Variants in RWDD4 observed in about 807,000 individuals in gnomAD.
RWDD4 encodes the protein RWD domain-containing protein 4.
In RWDD4, 16 loss-of-function variants were observed where a neutral mutation model predicts 30.0. The observed-to-expected ratio is 0.53, with a 90% CI of 0.36 to 0.81. RWDD4 has a LOEUF of 0.81. RWDD4 is among the 30% of genes least tolerant of loss of function. RWDD4 has a pLI of 0.00. For synonymous variants in RWDD4, 45 were observed against 72.1 expected (o/e 0.62, Z 1.90); for missense variants, 170 against 223.9 (o/e 0.76, Z 1.54).
chr4:183,647,194 T>G (rs1398311899), intron 5 of RWDD4, among the ~76,000 whole-genome samples: 1 of 152,230 alleles, frequency 6.6e-6, no homozygotes, highest in Non-Finnish European at 1.5e-5. Flanking sequence ...ACAAATATTA[T>G]CTAAAAATTC....
chr4:183,641,472 T>TA lies in RWDD4; in HGVS notation c.535-5dup, dbSNP rs778371993. On this transcript the variant is annotated splice_region_variant and splice_polypyrimidine_tract_variant and intron_variant, in intron 7 of 7. Transcript: ENST00000326397. The stretch of plus-strand genomic sequence containing the variant: ...CCTTAGAGCCAGTTTTGCTTAACTA[T>TA]AAAAAAAAGAGAGAAAATAGTCAAC... The TA allele has an allele frequency of 1.0e-4, 166 of 1,600,516 alleles. 1 individual carries two copies. Among genetic ancestry groups the TA allele is most frequent in the Admixed American group, 2.9e-4 (17 of 58,490 alleles).
At chr4:183,646,927 A>T (rs1317590525) in intron 5 of RWDD4, among the ~76,000 whole-genome samples, 1 of 152,230 alleles carries the variant, frequency 6.6e-6, no homozygotes, top group Non-Finnish European at 1.5e-5. Flanking sequence ...TTAATAAATT[A>T]GCATTTCGCA....
chr4:183,654,561 T>C (rs903954541), intron 2 of RWDD4, among the ~76,000 whole-genome samples: 1 of 152,106 alleles, frequency 6.6e-6, no homozygotes, highest in South Asian at 2.1e-4. Flanking sequence ...TTATAGTACA[T>C]ATAAATGTCC....
At chr4:183,652,489 C>T (rs556995124) in intron 2 of RWDD4, among the ~76,000 whole-genome samples, 1 of 143,426 alleles carries the variant, frequency 7.0e-6, no homozygotes, top group South Asian at 2.3e-4. Flanking sequence ...GAGCAAGAGT[C>T]TGTGGCAAAA....
At chr4:183,643,294 G>A (rs1288048322) in intron 7 of RWDD4, among the ~76,000 whole-genome samples, 1 of 147,326 alleles carries the variant, frequency 6.8e-6, no homozygotes, top group Non-Finnish European at 1.5e-5. Flanking sequence ...AGGCGTGGTG[G>A]CGCATGCCCA....
chr4:183,652,988 T>G (rs539242068), intron 2 of RWDD4, among the ~76,000 whole-genome samples: 1 of 152,080 alleles, frequency 6.6e-6, no homozygotes. Context: ...CCTCCCAAAG[T>G]GCTGGGATTA....
chr4:183,650,889 C>T, intron 4 of RWDD4, 95 bp downstream of exon 4: 1 of 1,267,174 alleles, frequency 7.9e-7, no homozygotes, highest in Non-Finnish European at 1.1e-6. Context: ...AAGTCTTCTT[C>T]CGATTTTGAA....
intron 2 of RWDD4, among the ~76,000 whole-genome samples, chr4:183,652,687 G>A (rs1330850780): frequency 2.0e-5 from 3 of 151,878 alleles, no homozygotes; most frequent in African/African-American, 7.3e-5. Flanking sequence ...GCATGCGCCT[G>A]TAGTCCCAGC....
rs149125033 is a variant in RWDD4 at position 183,641,887 on chromosome 4, C to T, written c.535-419G>A. On this transcript the variant is annotated intron_variant, in intron 7 of 7. Coordinates refer to ENST00000326397, the MANE Select transcript of RWDD4 (RefSeq NM_152682.4). ...AAAAAAATACGTAACCTAAGATTTA[C>T]CATCTTAACCAGACAATAAATTCTT... Among the ~76,000 whole-genome samples the T allele has an allele frequency of 3.1e-3, 466 of 152,146 alleles. 7 individuals carry two copies. The highest frequency in any genetic ancestry group is 0.01 in the African/African-American group (425 of 41,502).
At chr4:183,658,900 G>A (rs1734292791) in intron 1 of RWDD4, 29 bp downstream of exon 1, 5 of 1,250,546 alleles carry the variant, frequency 4.0e-6, no homozygotes, top group Admixed American at 3.8e-5. Context: ...CGCCCGCGCT[G>A]GGAGAGGGCC....
At position 183,639,830 on chromosome 4, in the gene RWDD4, A is replaced by T. The variant is rs907555172; in HGVS notation, c.*1606T>A. On this transcript the variant is annotated 3_prime_UTR_variant, in exon 8 of 8. Coordinates refer to ENST00000326397, the MANE Select transcript of RWDD4 (RefSeq NM_152682.4). ...ACCCCTACAAATTTTTACATTTCAT[A>T]TAAAAAGAGTAAAAATAGTTCATTG... 1.3e-5 allele frequency: 2 copies of T among 152,632 alleles called. No homozygotes were observed. Among genetic ancestry groups the T allele is most frequent in the African/African-American group, 4.8e-5 (2 of 41,460 alleles). The allele number at this position is 152,632 out of a possible 1,614,324, so 9.5% of individuals were successfully genotyped here. A position where few individuals can be genotyped will look rare whatever the true frequency, so the allele number is the denominator to read the frequency against.
chr4:183,640,668 A>T lies in RWDD4; in HGVS notation c.*768T>A, dbSNP rs1449310993. 1 of 36,278 alleles carries T rather than the reference A, an allele frequency of 2.8e-5. No homozygotes were observed. The allele number at this position is 36,278 out of a possible 1,614,324, so 2.2% of individuals were successfully genotyped here. A position where few individuals can be genotyped will look rare whatever the true frequency, so the allele number is the denominator to read the frequency against. ...GTCTCCAACAATACAAAAACTAAATATTAAGGCATCTTTTACTCCCATCCT... is the reference window on the plus strand; with the variant it reads ...GTCTCCAACAATACAAAAACTAAATTTTAAGGCATCTTTTACTCCCATCCT... On this transcript the variant is annotated 3_prime_UTR_variant, in exon 8 of 8. Transcript: ENST00000326397.
intron 5 of RWDD4, among the ~76,000 whole-genome samples, chr4:183,647,576 GGC>G (rs1355102386): frequency 6.6e-6 from 1 of 152,186 alleles, no homozygotes; most frequent in East Asian, 1.9e-4. Context: ...GGAAGGTAAT[GGC>G]TTTAGGTGGG....
intron 7 of RWDD4, among the ~76,000 whole-genome samples, chr4:183,642,095 TAG>T (rs1491500033): frequency 2.0e-5 from 3 of 151,884 alleles, no homozygotes; most frequent in Non-Finnish European, 4.4e-5. Flanking sequence ...CCAAGAACAC[TAG>T]AGAGTGTGGG....
At chr4:183,649,416 AAAAAGAAAAG>A (rs761878474) in intron 5 of RWDD4, 25 bp downstream of exon 5, 1 of 1,419,872 alleles carries the variant, frequency 7.0e-7, no homozygotes, top group Non-Finnish European at 9.9e-7. Flanking sequence ...CTCTGTCAAA[AAAAAGAAAAG>A]AAAAGAAAAG....
intron 7 of RWDD4, among the ~76,000 whole-genome samples, chr4:183,641,719 G>A (rs1036955383): frequency 6.6e-6 from 1 of 152,104 alleles, no homozygotes; most frequent in African/African-American, 2.4e-5. Context: ...CACTCTTGAA[G>A]CTTTCTAGGA....
At chr4:183,656,370 T>C (rs923675575) in intron 1 of RWDD4, among the ~76,000 whole-genome samples, 1 of 152,204 alleles carries the variant, frequency 6.6e-6, no homozygotes, top group African/African-American at 2.4e-5. Context: ...AAAACAATAC[T>C]TTCCCATTAT....
At chr4:183,649,132 G>A (rs1259167803) in intron 5 of RWDD4, among the ~76,000 whole-genome samples, 2 of 152,000 alleles carry the variant, frequency 1.3e-5, no homozygotes, top group Non-Finnish European at 2.9e-5. Flanking sequence ...AAAAAAAAAC[G>A]GCTGGGCGTG....
intron 7 of RWDD4, 75 bp downstream of exon 7, chr4:183,646,275 AC>A: frequency 1.3e-6 from 1 of 760,744 alleles, no homozygotes; most frequent in Non-Finnish European, 2.3e-6. Flanking sequence ...ATTTTCCATT[AC>A]TTAAAAAAAA....
Sources: allele counts gnomAD v4.1 joint callset (sites outside exome capture counted in the v4.1 genomes callset), GRCh38; gene constraint gnomAD v4.1.1; transcripts MANE v1.5; gene names NCBI Gene and HGNC (gene_info 2026-07-23, HGNC 2026-07-21).